The following RALGAPA2 variants were observed in gnomAD, a reference collection of about 807,000 sequenced individuals.
RALGAPA2 encodes ral GTPase-activating protein subunit alpha-2.
In RALGAPA2, 139 loss-of-function variants were observed where a neutral mutation model predicts 230.4. That is an observed-to-expected ratio of 0.60 (90% CI 0.53 to 0.69). The LOEUF is 0.69. RALGAPA2 is among the 30% of genes least tolerant of loss of function. The probability of loss-of-function intolerance (pLI) is 0.00; values close to 1 mark genes in which losing one functional copy is unlikely to be tolerated. For missense variants in RALGAPA2, 2,163 were observed against 2,276.0 expected (o/e 0.95, Z 1.01); for synonymous variants, 847 against 837.8 (o/e 1.01, Z -0.19).
At chr20:20,439,569 C>T (rs1450661189) in intron 37 of RALGAPA2, among the ~76,000 whole-genome samples, 2 of 152,146 alleles carry the variant, frequency 1.3e-5, no homozygotes, top group Non-Finnish European at 2.9e-5. Context: ...CAACAGGAAA[C>T]ATTTTTCTCA....
At chr20:20,670,642 A>T (rs1251610068) in intron 3 of RALGAPA2, among the ~76,000 whole-genome samples, 8 of 120,834 alleles carry the variant, frequency 6.6e-5, no homozygotes, top group East Asian at 3.0e-4. Flanking sequence ...TAACCATAGT[A>T]AAAAAAAAAA....
Position 20,591,161 on chromosome 20 carries a change from T to G in RALGAPA2, c.2341+16A>C. On this transcript the variant is annotated intron_variant, in intron 17 of 39. Transcript: ENST00000202677. ...GAATCTATAGTTCTGTATTAAACAC[T>G]GAAGACATCATGTACCCTGAGAAGA... 4 of 1,612,444 alleles carry G rather than the reference T, an allele frequency of 2.5e-6. No individual in the cohort carries two copies. The highest frequency in any genetic ancestry group is 3.4e-6 in the Non-Finnish European group (4 of 1,179,296).
intron 37 of RALGAPA2, among the ~76,000 whole-genome samples, chr20:20,464,363 C>A (rs1048413655): frequency 1.3e-5 from 2 of 152,124 alleles, no homozygotes; most frequent in Non-Finnish European, 2.9e-5. Context: ...TATGTGTATA[C>A]AATTTACATA....
intron 27 of RALGAPA2, among the ~76,000 whole-genome samples, chr20:20,530,443 G>A (rs2063338437): frequency 6.6e-6 from 1 of 152,214 alleles, no homozygotes; most frequent in African/African-American, 2.4e-5. Context: ...AGAAATAGGG[G>A]AGGATGAGGC....
At chr20:20,680,884 C>T (rs762473629) in intron 1 of RALGAPA2, 83 bp from the exon 2 acceptor site, 1 of 1,494,020 alleles carries the variant, frequency 6.7e-7, no homozygotes, top group Non-Finnish European at 8.9e-7. Flanking sequence ...GAAAAGAAGG[C>T]AAGTACAACT....
At chr20:20,576,714 G>C (rs1215045340) in intron 20 of RALGAPA2, among the ~76,000 whole-genome samples, 4 of 151,940 alleles carry the variant, frequency 2.6e-5, no homozygotes, top group African/African-American at 7.2e-5. Context: ...GGATGAAAAA[G>C]GTAAAGTTTC....
intron 10 of RALGAPA2, among the ~76,000 whole-genome samples, chr20:20,621,994 A>C (rs1460082581): frequency 6.6e-6 from 1 of 152,224 alleles, no homozygotes; most frequent in Non-Finnish European, 1.5e-5. Context: ...GGCAGAACTC[A>C]CTTTAACAAA....
At chr20:20,457,854 G>C (rs1465450196) in intron 37 of RALGAPA2, among the ~76,000 whole-genome samples, 4 of 152,214 alleles carry the variant, frequency 2.6e-5, no homozygotes, top group African/African-American at 9.6e-5. Flanking sequence ...TGTGTGCGGG[G>C]CTCTCGCATA....
At chr20:20,557,353 T>C (rs1033748942) in intron 23 of RALGAPA2, among the ~76,000 whole-genome samples, 4 of 151,676 alleles carry the variant, frequency 2.6e-5, no homozygotes, top group African/African-American at 7.3e-5. Context: ...TGTGTAATCA[T>C]GTAAGTAAAT....
intron 27 of RALGAPA2, among the ~76,000 whole-genome samples, chr20:20,529,582 C>G (rs373756446): frequency 6.6e-6 from 1 of 152,196 alleles, no homozygotes. Context: ...TTTACTGTAC[C>G]TCTTCTATGT....
At chr20:20,421,614 G>A (rs1443941806) in intron 37 of RALGAPA2, among the ~76,000 whole-genome samples, 1 of 152,178 alleles carries the variant, frequency 6.6e-6, no homozygotes, top group Non-Finnish European at 1.5e-5. Flanking sequence ...AGGTTGCAGT[G>A]AGCCAAGATC....
At chr20:20,618,688 T>C (rs568146378) in intron 12 of RALGAPA2, among the ~76,000 whole-genome samples, 2 of 152,266 alleles carry the variant, frequency 1.3e-5, no homozygotes, top group Admixed American at 1.3e-4. Flanking sequence ...TTTCACTTAC[T>C]CTTCAAGCTA....
At chr20:20,597,920 T>C (rs1363677629) in intron 16 of RALGAPA2, among the ~76,000 whole-genome samples, 1 of 152,142 alleles carries the variant, frequency 6.6e-6, no homozygotes, top group South Asian at 2.1e-4. Flanking sequence ...ATGAAAATGA[T>C]CTTTCTCTTT....
At chr20:20,407,842 TAGCA>T (rs1374192033) in intron 38 of RALGAPA2, among the ~76,000 whole-genome samples, 1 of 152,256 alleles carries the variant, frequency 6.6e-6, no homozygotes, top group East Asian at 1.9e-4. Context: ...TTTTGTGCAG[TAGCA>T]GGAATGGCAG....
At chr20:20,552,680 C>T (rs538693295) in intron 23 of RALGAPA2, among the ~76,000 whole-genome samples, 7 of 152,266 alleles carry the variant, frequency 4.6e-5, no homozygotes, top group South Asian at 4.1e-4. Context: ...AAGACAGCCA[C>T]GATCCTGCAG....
Position 20,536,682 on chromosome 20 carries a change from C to A in RALGAPA2, c.3388G>T (p.Ala1130Ser), listed in dbSNP as rs775832424. Reference sequence around the variant, plus strand: ...TTGACATCTTCAGTTCCTGTAATGGCCTCATTTACTTCTGGCACTGACTGC... The same window carrying A: ...TTGACATCTTCAGTTCCTGTAATGGACTCATTTACTTCTGGCACTGACTGC... ...LLQSVPEVNE[A>S]ITGTEDVKHY... The change falls in exon 25 of 40, where the codon GCC (alanine) becomes TCC (serine). Residue 1130 changes from alanine (A) to serine (S), a missense_variant. By Grantham distance (99) the Ala-to-Ser change is moderately conservative. Transcript: ENST00000202677. The A allele has an allele frequency of 6.2e-7, 1 of 1,612,750 alleles. No individual in the cohort carries two copies. Among genetic ancestry groups the A allele is most frequent in the East Asian group, 2.2e-5 (1 of 44,852 alleles).
In RALGAPA2 at chr20:20,520,986, C is replaced by G. The variant is rs1319030319; in HGVS notation, c.4015G>C (p.Val1339Leu). 6.2e-7 allele frequency: 1 copy of G among 1,613,974 alleles called. No individual in the cohort carries two copies. Among genetic ancestry groups the G allele is most frequent in the Non-Finnish European group, 8.5e-7 (1 of 1,179,864 alleles). ...DYDPFLPLAN[V>L]KSSEPVQYHS... ...TACTGGACTGGCTCAGAGCTCTTCA[C>G]ATTTGCCAGTGGCAGGAAGGGGTCA... The change falls in exon 31 of 40, where the codon GTG (valine) becomes CTG (leucine). Residue 1339 changes from valine (V) to leucine (L), a missense_variant. Val to Leu is a conservative substitution (Grantham distance 32). Coordinates refer to ENST00000202677, the MANE Select transcript of RALGAPA2 (RefSeq NM_020343.4).
intron 19 of RALGAPA2, 83 bp from the exon 20 acceptor site, chr20:20,583,309 A>G (rs1303560790): frequency 1.5e-6 from 2 of 1,367,832 alleles, no homozygotes; most frequent in Non-Finnish European, 2.0e-6. Flanking sequence ...GAAAGTAACT[A>G]AACAAACAGC....
At chr20:20,454,669 G>A (rs1461385129) in intron 37 of RALGAPA2, among the ~76,000 whole-genome samples, 1 of 152,138 alleles carries the variant, frequency 6.6e-6, no homozygotes, top group Non-Finnish European at 1.5e-5. Flanking sequence ...TAATCCCTAG[G>A]GGAAGCTCCT....
Sources: gnomAD v4.1 joint callset for allele counts (sites outside exome capture counted in the v4.1 genomes callset) on GRCh38, gnomAD v4.1.1 for gene constraint, MANE v1.5 for transcripts, NCBI Gene and HGNC (gene_info 2026-07-23, HGNC 2026-07-21) for gene names.